ME3: variants seen among roughly 807,000 people sequenced by gnomAD.
ME3 encodes the protein malic enzyme 3.
A neutral mutation model predicts 68.9 loss-of-function variants in ME3; 48 were observed. That is an observed-to-expected ratio of 0.70 (90% CI 0.55 to 0.89). ME3 has a LOEUF of 0.89. Ranked by LOEUF, ME3 falls within the 40% of genes least tolerant of loss-of-function variation. ME3 has a pLI of 0.00. For synonymous variants in ME3, 320 were observed against 318.8 expected, an observed-to-expected ratio of 1.00 and a Z score of -0.04; for missense variants, 675 against 797.4, an observed-to-expected ratio of 0.85 and a Z score of 1.85.
At chr11:86,455,279 C>T (rs368431724) in intron 8 of ME3, among the ~76,000 whole-genome samples, 118 of 152,340 alleles carry the variant, frequency 7.7e-4, no homozygotes, top group African/African-American at 2.8e-3. Context: ...TCCCAGTTTA[C>T]TAAAACTTGG....
chr11:86,624,105 C>A (rs900735093), intron 2 of ME3, among the ~76,000 whole-genome samples: 3 of 152,100 alleles, frequency 2.0e-5, no homozygotes, highest in African/African-American at 7.2e-5. Context: ...TTAATATAAA[C>A]TTTGGGAGCT....
At chr11:86,628,327 G>A (rs1018333896) in intron 2 of ME3, among the ~76,000 whole-genome samples, 5 of 152,142 alleles carry the variant, frequency 3.3e-5, no homozygotes, top group Admixed American at 6.5e-5. Context: ...GCCTGTTCTG[G>A]GCCCTGGTCC....
chr11:86,578,087 CCCGA>C (rs1241205414), intron 2 of ME3, among the ~76,000 whole-genome samples: 3 of 152,150 alleles, frequency 2.0e-5, no homozygotes, highest in African/African-American at 7.2e-5. Context: ...TTTTGTCCAT[CCCGA>C]CCGAACAAGG....
chr11:86,645,906 A>G (rs963072125), intron 2 of ME3, among the ~76,000 whole-genome samples: 1 of 152,222 alleles, frequency 6.6e-6, no homozygotes, highest in East Asian at 1.9e-4. Context: ...TATCCAGGCA[A>G]ACAGGGTCTG....
intron 7 of ME3, among the ~76,000 whole-genome samples, chr11:86,471,141 CTTTTTTTTTTTT>C (rs1163128094): frequency 4.1e-4 from 31 of 75,036 alleles, no homozygotes; most frequent in African/African-American, 1.9e-3. Context: ...AGGCCCAGAG[CTTTTTTTTTTTT>C]TTTTTTTTTT....
At chr11:86,603,315 A>G (rs1175183366) in intron 2 of ME3, among the ~76,000 whole-genome samples, 1 of 152,198 alleles carries the variant, frequency 6.6e-6, no homozygotes, top group African/African-American at 2.4e-5. Context: ...TCTCAAAAGA[A>G]GACATTTATG....
At chr11:86,544,745 A>G (rs1388102661) in intron 4 of ME3, among the ~76,000 whole-genome samples, 2 of 152,200 alleles carry the variant, frequency 1.3e-5, no homozygotes, top group East Asian at 3.8e-4. Context: ...AGGAACTGGT[A>G]CCATTCCTTC....
chr11:86,526,619 G>C (rs1372765801), intron 4 of ME3, among the ~76,000 whole-genome samples: 3 of 152,350 alleles, frequency 2.0e-5, no homozygotes, highest in East Asian at 3.9e-4. Context: ...GCAACATCCA[G>C]TAGGGGCAGA....
At chr11:86,563,702 G>A (rs570421285) in intron 2 of ME3, among the ~76,000 whole-genome samples, 17 of 152,208 alleles carry the variant, frequency 1.1e-4, no homozygotes, top group African/African-American at 3.6e-4. Flanking sequence ...TTATTGAATA[G>A]AGATCCCTTT....
chr11:86,591,005 G>C (rs1353293214), intron 2 of ME3, among the ~76,000 whole-genome samples: 1 of 152,214 alleles, frequency 6.6e-6, no homozygotes, highest in Non-Finnish European at 1.5e-5. Flanking sequence ...ATTCCTTCTT[G>C]TGTGTTGGGC....
chr11:86,597,660 T>C (rs1330198235), intron 2 of ME3, among the ~76,000 whole-genome samples: 2 of 152,162 alleles, frequency 1.3e-5, no homozygotes, highest in East Asian at 1.9e-4. Context: ...CTTGCTACTA[T>C]TGGCAAAAAG....
intron 2 of ME3, among the ~76,000 whole-genome samples, chr11:86,595,588 G>C (rs1446579092): frequency 1.3e-5 from 2 of 152,048 alleles, no homozygotes; most frequent in Non-Finnish European, 2.9e-5. Flanking sequence ...CAGGTAAGAA[G>C]GATTGATTGA....
At chr11:86,623,309 AGACTCTGG>A (rs1483010084) in intron 2 of ME3, among the ~76,000 whole-genome samples, 1 of 152,154 alleles carries the variant, frequency 6.6e-6, no homozygotes, top group Admixed American at 6.5e-5. Context: ...TTGGGTCTTC[AGACTCTGG>A]GACTTATACC....
chr11:86,529,888 A>G (rs771645357), intron 4 of ME3, among the ~76,000 whole-genome samples: 1 of 152,228 alleles, frequency 6.6e-6, no homozygotes, highest in Non-Finnish European at 1.5e-5. Flanking sequence ...ACAAACCCAC[A>G]GCCAATATTA....
At chr11:86,644,511 C>T (rs914533942) in intron 2 of ME3, among the ~76,000 whole-genome samples, 1 of 152,296 alleles carries the variant, frequency 6.6e-6, no homozygotes, top group Admixed American at 6.5e-5. Flanking sequence ...TCATCACACT[C>T]CTATTAGACT....
At chr11:86,667,992 A>G (rs1290391113) in intron 2 of ME3, 2 of 152,224 alleles carry the variant, frequency 1.3e-5, no homozygotes, top group African/African-American at 4.8e-5. Flanking sequence ...TATTAGTTTT[A>G]AAAAGAAAAA....
At chr11:86,508,591 T>C (rs1953261797) in intron 5 of ME3, among the ~76,000 whole-genome samples, 1 of 152,180 alleles carries the variant, frequency 6.6e-6, no homozygotes, top group South Asian at 2.1e-4. Flanking sequence ...AAGGGCAATG[T>C]CACATGGATG....
chr11:86,607,756 A>G (rs964623773), intron 2 of ME3, among the ~76,000 whole-genome samples: 31 of 151,650 alleles, frequency 2.0e-4, no homozygotes, highest in Non-Finnish European at 2.9e-4. Context: ...TACATTGAGC[A>G]AAAGTTGATC....
At chr11:86,630,713 C>T (rs10792866) in intron 2 of ME3, among the ~76,000 whole-genome samples, 32,233 of 152,220 alleles carry the variant, frequency 0.21, 3,667 homozygotes, top group East Asian at 0.39. Flanking sequence ...CAACACCCAG[C>T]GTCTCCTCAG....
Sources: allele counts gnomAD v4.1 joint callset (sites outside exome capture counted in the v4.1 genomes callset), GRCh38; gene constraint gnomAD v4.1.1; transcripts MANE v1.5; gene names NCBI Gene and HGNC (gene_info 2026-07-23, HGNC 2026-07-21).